Variants in NPR3 observed in about 807,000 individuals in gnomAD.
The protein encoded by NPR3 is natriuretic peptide receptor 3.
In NPR3, 34 loss-of-function variants were observed where a neutral mutation model predicts 54.5. The observed-to-expected ratio is 0.62, with a 90% CI of 0.47 to 0.83. The LOEUF (loss-of-function observed/expected upper bound fraction) is 0.83, where lower values mean the gene tolerates loss of function less well. Among genes scored for constraint, NPR3 ranks in the 40% least tolerant of loss-of-function variants. The probability of loss-of-function intolerance (pLI) is 0.00; values close to 1 mark genes in which losing one functional copy is unlikely to be tolerated. For missense variants in NPR3, 674 were observed against 720.8 expected (o/e 0.94, Z 0.74); for synonymous variants, 289 against 297.1 (o/e 0.97, Z 0.28).
intron 1 of NPR3, among the ~76,000 whole-genome samples, chr5:32,692,867 T>C (rs1205764709): frequency 6.6e-6 from 1 of 152,164 alleles, no homozygotes; most frequent in East Asian, 1.9e-4. Context: ...ACGCCGGTAA[T>C]CCTAGCACTT....
chr5:32,703,210 C>T (rs1737876209), intron 1 of NPR3, among the ~76,000 whole-genome samples: 2 of 152,048 alleles, frequency 1.3e-5, no homozygotes, highest in African/African-American at 4.8e-5. Flanking sequence ...TGGGAGTCTC[C>T]CTTCAGGGCA....
At chr5:32,747,984 G>C (rs994961504) in intron 3 of NPR3, among the ~76,000 whole-genome samples, 5 of 152,050 alleles carry the variant, frequency 3.3e-5, no homozygotes, top group Non-Finnish European at 7.4e-5. Context: ...GAATTGCTGT[G>C]CTCAAGCAAT....
intron 3 of NPR3, among the ~76,000 whole-genome samples, chr5:32,761,905 C>T (rs572615306): frequency 6.6e-6 from 1 of 152,038 alleles, no homozygotes; most frequent in Non-Finnish European, 1.5e-5. Context: ...AACCTGTCAT[C>T]TACATTAGGT....
rs780978313 is a variant in NPR3 at position 32,789,431 on chromosome 5, C to T, written c.*3086C>T. On this transcript the variant is annotated 3_prime_UTR_variant, in exon 8 of 8. Transcript: ENST00000265074. ...GAAGGTCCCTGAAAACATCACATTT[C>T]TCTGAAGAACCATCAACTTGTCTTT... 1 of 529,866 alleles carries T rather than the reference C, an allele frequency of 1.9e-6. No homozygotes were observed. The highest frequency in any genetic ancestry group is 3.9e-6 in the Non-Finnish European group (1 of 258,154). 32.8% of individuals were successfully genotyped at this position (529,866 alleles called of 1,614,324 possible). A position where few individuals can be genotyped will look rare whatever the true frequency, so the allele number is the denominator to read the frequency against.
chr5:32,764,559 G>C (rs1050298189), intron 3 of NPR3, among the ~76,000 whole-genome samples: 21 of 151,800 alleles, frequency 1.4e-4, no homozygotes, highest in African/African-American at 5.1e-4. Context: ...AGGCCGAGGC[G>C]GGTGGATCAC....
chr5:32,743,615 T>C (rs1740145169), intron 3 of NPR3, among the ~76,000 whole-genome samples: 1 of 152,180 alleles, frequency 6.6e-6, no homozygotes. Flanking sequence ...GACTGAATCG[T>C]TCTATTTCCC....
intron 3 of NPR3, among the ~76,000 whole-genome samples, chr5:32,768,090 G>A (rs1160219548): frequency 6.6e-6 from 1 of 152,086 alleles, no homozygotes; most frequent in Non-Finnish European, 1.5e-5. Context: ...TCTCCTGTTG[G>A]GTTTTGGTTT....
chr5:32,727,293 C>T (rs1360764974), intron 2 of NPR3, among the ~76,000 whole-genome samples: 1 of 151,956 alleles, frequency 6.6e-6, no homozygotes, highest in African/African-American at 2.4e-5. Flanking sequence ...TGCCTGGTTA[C>T]TTTCTCTTAT....
intron 1 of NPR3, among the ~76,000 whole-genome samples, chr5:32,718,244 C>A (rs973701132): frequency 6.6e-6 from 1 of 152,138 alleles, no homozygotes; most frequent in African/African-American, 2.4e-5. Context: ...TTACTGTAGC[C>A]TTGTAGTATA....
chr5:32,788,328 A>T lies in NPR3; in HGVS notation c.*1983A>T, dbSNP rs1742739443. ...ACTCCAGAAGTTCTAGTGCAGGAAG[A>T]GAGTTTGAGAAGTAAAATCCAGGCA... is the stretch of plus-strand genomic sequence containing the variant. On this transcript the variant is annotated 3_prime_UTR_variant, in exon 8 of 8. Transcript: ENST00000265074. 1 of 152,264 alleles carries T rather than the reference A, an allele frequency of 6.6e-6. No homozygotes were observed. The highest frequency in any genetic ancestry group is 2.4e-5 in the African/African-American group (1 of 41,478). The allele number at this position is 152,264 out of a possible 1,614,324, so 9.4% of individuals were successfully genotyped here.
chr5:32,726,300 C>T (rs1022316568), intron 2 of NPR3, among the ~76,000 whole-genome samples: 3 of 152,112 alleles, frequency 2.0e-5, no homozygotes, highest in African/African-American at 4.8e-5. Flanking sequence ...TAATAAAACA[C>T]GCTTATCATG....
At chr5:32,739,874 C>A (rs1405991606) in intron 3 of NPR3, among the ~76,000 whole-genome samples, 1 of 152,082 alleles carries the variant, frequency 6.6e-6, no homozygotes, top group Non-Finnish European at 1.5e-5. Flanking sequence ...AAAAGGAGCA[C>A]CTTCTTCCTC....
In NPR3 at chr5:32,787,248, G is replaced by C. The variant is rs1462623811; in HGVS notation, c.*903G>C. The stretch of plus-strand genomic sequence containing the variant: ...CCTTGGCCACAGCCAAATGCTAATT[G>C]CTGCTTTAATTACAGAGATGTGTAA... On this transcript the variant is annotated 3_prime_UTR_variant, in exon 8 of 8. Coordinates refer to ENST00000265074, the MANE Select transcript of NPR3 (RefSeq NM_001204375.2). The C allele has an allele frequency of 1.3e-5, 2 of 152,438 alleles. No homozygotes were observed. The allele number at this position is 152,438 out of a possible 1,614,324, so 9.4% of individuals were successfully genotyped here.
At chr5:32,763,409 G>T (rs1741278901) in intron 3 of NPR3, among the ~76,000 whole-genome samples, 2 of 151,964 alleles carry the variant, frequency 1.3e-5, no homozygotes, top group Middle Eastern at 6.8e-3. Context: ...TGCAACCTCT[G>T]CCTCCTGGGT....
chr5:32,768,678 A>G (rs1395938858), intron 3 of NPR3, among the ~76,000 whole-genome samples: 1 of 152,220 alleles, frequency 6.6e-6, no homozygotes, highest in East Asian at 1.9e-4. Context: ...TTAATGATCC[A>G]GTCTGTTCTA....
intron 3 of NPR3, among the ~76,000 whole-genome samples, chr5:32,764,361 C>G (rs1367097776): frequency 6.6e-6 from 1 of 152,004 alleles, no homozygotes; most frequent in African/African-American, 2.4e-5. Context: ...CTTCTGGGGC[C>G]AGGGGGTACC....
chr5:32,734,274 G>A (rs958579179), intron 2 of NPR3, among the ~76,000 whole-genome samples: 1 of 152,164 alleles, frequency 6.6e-6, no homozygotes, highest in Non-Finnish European at 1.5e-5. Context: ...GTACTGTGGG[G>A]CCAGGCCAGG....
chr5:32,780,743 T>A lies in NPR3; in HGVS notation c.1217T>A (p.Ile406Lys). ...GTAGGTATCGCCGGGCAGGTGTCCA[T>A]AGATGCCAACGGAGACCGATATGGG... ...TFEGIAGQVS[I>K]DANGDRYGDF... is the part of the protein sequence containing the mutation. Residue 406 changes from isoleucine to lysine, a missense_variant, in exon 5 of 8, where the codon ATA becomes AAA. Physicochemically the swap from Ile to Lys is moderately radical, Grantham distance 102. Coordinates refer to ENST00000265074, the MANE Select transcript of NPR3 (RefSeq NM_001204375.2). 2 of 1,585,470 alleles carry A rather than the reference T, an allele frequency of 1.3e-6. No homozygotes were observed. Among genetic ancestry groups the A allele is most frequent in the Admixed American group, 1.7e-5 (1 of 59,990 alleles).
intron 3 of NPR3, among the ~76,000 whole-genome samples, chr5:32,747,496 C>A (rs1256105041): frequency 1.3e-5 from 2 of 152,056 alleles, no homozygotes; most frequent in Non-Finnish European, 2.9e-5. Flanking sequence ...GTTTCTCTGG[C>A]CTTACTAATT....
Sources: gnomAD v4.1 joint callset for allele counts (sites outside exome capture counted in the v4.1 genomes callset) on GRCh38, gnomAD v4.1.1 for gene constraint, MANE v1.5 for transcripts, NCBI Gene and HGNC (gene_info 2026-07-23, HGNC 2026-07-21) for gene names.